TAFA5: variants seen among roughly 807,000 people sequenced by gnomAD.
The protein encoded by TAFA5 is TAFA chemokine like family member 5, also known as chemokine-like protein TAFA-5.
TAFA5 carries 6 observed loss-of-function variants against 15.3 expected under a neutral mutation model. The ratio of observed to expected loss-of-function variants is 0.39; its 90% CI spans 0.21 to 0.77. The LOEUF (loss-of-function observed/expected upper bound fraction) is 0.77. Ranked by LOEUF, TAFA5 falls within the 30% of genes least tolerant of loss-of-function variation. The probability of loss-of-function intolerance (pLI) is 0.41; values close to 1 mark genes in which losing one functional copy is unlikely to be tolerated. For missense variants in TAFA5, 161 were observed against 193.1 expected, an observed-to-expected ratio of 0.83 and a Z score of 0.98; for synonymous variants, 103 against 80.7, an observed-to-expected ratio of 1.28 and a Z score of -1.48.
intron 1 of TAFA5, among the ~76,000 whole-genome samples, chr22:48,614,013 T>C (rs28451174): frequency 0.19 from 29,323 of 152,114 alleles, 2,971 homozygotes; most frequent in Non-Finnish European, 0.22. Flanking sequence ...CTCGCGAGCA[T>C]GTGGGAGCCG....
rs115793611 is a variant in TAFA5, at chr22:48,513,131, G to T, written c.112+23427G>T. ...CTGTTTATGTGCAGAGGGTTTCCTG[G>T]AGGAAGGAAAGGGTTTGGGACCCTC... On this transcript the variant is annotated intron_variant, in intron 1 of 3. Transcript: ENST00000402357. Among the ~76,000 whole-genome samples, 435 of 152,206 alleles carry T rather than the reference G, an allele frequency of 2.9e-3. 2 individuals carry two copies. Among genetic ancestry groups the T allele is most frequent in the African/African-American group, 9.5e-3 (395 of 41,530 alleles).
intron 3 of TAFA5, among the ~76,000 whole-genome samples, chr22:48,717,201 C>T (rs994105630): frequency 2.4e-4 from 37 of 152,334 alleles, no homozygotes; most frequent in East Asian, 1.4e-3. Context: ...CCCACAGCAG[C>T]GTCGTCGGGT....
At chr22:48,542,590 GTGGT>G (rs1177996341) in intron 1 of TAFA5, among the ~76,000 whole-genome samples, 2 of 125,540 alleles carry the variant, frequency 1.6e-5, no homozygotes, top group African/African-American at 6.1e-5. Flanking sequence ...GTGCGGGTGT[GTGGT>G]GTGTATGTGT....
intron 1 of TAFA5, among the ~76,000 whole-genome samples, chr22:48,631,500 C>A (rs1323414426): frequency 6.6e-6 from 1 of 152,220 alleles, no homozygotes; most frequent in Non-Finnish European, 1.5e-5. Flanking sequence ...GCGGCAGCAT[C>A]CTCACGACTG....
intron 1 of TAFA5, among the ~76,000 whole-genome samples, chr22:48,646,013 T>C (rs1331925453): frequency 1.3e-5 from 2 of 152,158 alleles, no homozygotes; most frequent in Non-Finnish European, 2.9e-5. Flanking sequence ...CCTGAACCCT[T>C]TGGCATCGAT....
At chr22:48,607,860 C>G (rs1434920867) in intron 1 of TAFA5, among the ~76,000 whole-genome samples, 7 of 152,226 alleles carry the variant, frequency 4.6e-5, no homozygotes, top group Admixed American at 6.5e-5. Context: ...TGGTCTAAGT[C>G]CTGCCCTTTT....
chr22:48,704,759 C>T (rs1050961017), intron 2 of TAFA5, among the ~76,000 whole-genome samples: 3 of 151,182 alleles, frequency 2.0e-5, no homozygotes, highest in Non-Finnish European at 4.4e-5. Context: ...GTCTCCTGGT[C>T]TCCTGGCTGT....
At chr22:48,534,803 C>G (rs1013557775) in intron 1 of TAFA5, among the ~76,000 whole-genome samples, 38 of 152,146 alleles carry the variant, frequency 2.5e-4, no homozygotes, top group African/African-American at 8.4e-4. Context: ...TGCTGCAGGT[C>G]AGGGACACGG....
chr22:48,659,099 G>A (rs1034733439), intron 2 of TAFA5, among the ~76,000 whole-genome samples: 5 of 152,214 alleles, frequency 3.3e-5, no homozygotes, highest in African/African-American at 1.2e-4. Flanking sequence ...GCGCCTTCTG[G>A]ACCCCGCGGC....
At chr22:48,671,290 C>T (rs948576661) in intron 2 of TAFA5, among the ~76,000 whole-genome samples, 7 of 152,232 alleles carry the variant, frequency 4.6e-5, no homozygotes, top group African/African-American at 1.4e-4. Context: ...CAGGGAGCAC[C>T]GAACGGAGCC....
At chr22:48,605,559 A>G (rs1377632749) in intron 1 of TAFA5, among the ~76,000 whole-genome samples, 1 of 152,086 alleles carries the variant, frequency 6.6e-6, no homozygotes, top group Non-Finnish European at 1.5e-5. Flanking sequence ...ACTGCATTTC[A>G]TCCACCATCT....
chr22:48,742,498 G>T lies in TAFA5; in HGVS notation c.391-7341G>T, dbSNP rs916511480. Among the ~76,000 whole-genome samples, 12 of 152,182 alleles carry T rather than the reference G, an allele frequency of 7.9e-5. No homozygotes were observed. The highest frequency in any genetic ancestry group is 2.9e-4 in the African/African-American group (12 of 41,436). On this transcript the variant is annotated intron_variant, in intron 3 of 3. Transcript: ENST00000402357. This position sits in a 1 kb window ranked among gnomAD's most constrained non-coding sequence, Gnocchi z 6.2. ...GGCGGCGCAGTGGAGCGGGCGTTGT[G>T]GTGGACCCGGTGGCGTGGCAGACCA...
intron 2 of TAFA5, among the ~76,000 whole-genome samples, chr22:48,704,907 A>T (rs939758256): frequency 2.0e-5 from 3 of 151,902 alleles, no homozygotes; most frequent in African/African-American, 7.3e-5. Flanking sequence ...TGAGGATCTG[A>T]TTCCTGGCTT....
intron 1 of TAFA5, among the ~76,000 whole-genome samples, chr22:48,529,098 A>AG (rs1370634280): frequency 6.6e-6 from 1 of 152,170 alleles, no homozygotes; most frequent in African/African-American, 2.4e-5. Context: ...TTCACATTTG[A>AG]GAACTCGCTC....
chr22:48,616,971 A>ATTG (rs1555892887), intron 1 of TAFA5, among the ~76,000 whole-genome samples: 1 of 151,952 alleles, frequency 6.6e-6, no homozygotes, highest in Non-Finnish European at 1.5e-5. Flanking sequence ...TGGTGAGTTC[A>ATTG]TTGTTGGGCG....
chr22:48,641,566 C>T, intron 1 of TAFA5, among the ~76,000 whole-genome samples: 1 of 150,000 alleles, frequency 6.7e-6, no homozygotes, highest in Non-Finnish European at 1.5e-5. Flanking sequence ...ATGCCCTCCC[C>T]TTCCCCCTGC....
intron 1 of TAFA5, among the ~76,000 whole-genome samples, chr22:48,601,357 G>A (rs576856079): frequency 1.3e-5 from 2 of 150,906 alleles, no homozygotes; most frequent in East Asian, 2.0e-4. Flanking sequence ...TGGAATTTTC[G>A]CTCTTGTTGC....
intron 1 of TAFA5, among the ~76,000 whole-genome samples, chr22:48,582,624 CCACACACCACACACAAAATATACCA>C (rs1924106543): frequency 2.0e-5 from 3 of 148,832 alleles, no homozygotes; most frequent in African/African-American, 7.5e-5. Flanking sequence ...ACAAAATACA[CCACACACCACACACAAAATATACCA>C]CACACACCAC....
intron 2 of TAFA5, among the ~76,000 whole-genome samples, chr22:48,651,600 C>G (rs1927056410): frequency 6.6e-6 from 1 of 152,164 alleles, no homozygotes; most frequent in Non-Finnish European, 1.5e-5. Flanking sequence ...AGGCGTGGGA[C>G]AGCAGAGGCC....
Sources: allele counts gnomAD v4.1 joint callset (sites outside exome capture counted in the v4.1 genomes callset), GRCh38; gene constraint gnomAD v4.1.1; non-coding constraint Gnocchi (gnomAD v3.1); transcripts MANE v1.5; gene names NCBI Gene and HGNC (gene_info 2026-07-23, HGNC 2026-07-21).